MCTP2: variants seen among roughly 807,000 people sequenced by gnomAD.
MCTP2 encodes multiple C2 and transmembrane domain containing 2.
MCTP2 carries 132 observed loss-of-function variants against 111.6 expected under a neutral mutation model. That is an observed-to-expected ratio of 1.18 (90% CI 1.03 to 1.37). The LOEUF (loss-of-function observed/expected upper bound fraction) is 1.37. Ranked by LOEUF, MCTP2 falls within the 40% of genes most tolerant of loss-of-function variation. The pLI, the probability that MCTP2 is intolerant of heterozygous loss-of-function variation, is 0.00. For missense variants in MCTP2, 1,183 were observed against 1,067.9 expected (o/e 1.11, Z -1.50); for synonymous variants, 395 against 387.7 (o/e 1.02, Z -0.22).
At chr15:94,394,794 A>G (rs1359345317) in intron 14 of MCTP2, among the ~76,000 whole-genome samples, 2 of 152,188 alleles carry the variant, frequency 1.3e-5, no homozygotes, top group African/African-American at 2.4e-5. Flanking sequence ...TTATATTAAC[A>G]TTGTGTTTTT....
intron 1 of MCTP2, among the ~76,000 whole-genome samples, chr15:94,268,105 A>G (rs2073676459): frequency 6.6e-6 from 1 of 150,610 alleles, no homozygotes; most frequent in Non-Finnish European, 1.5e-5. Context: ...TGACCTTGTG[A>G]TGAACCCGCC....
chr15:94,368,997 A>G (rs2079346011), intron 11 of MCTP2, among the ~76,000 whole-genome samples: 1 of 152,228 alleles, frequency 6.6e-6, no homozygotes, highest in Non-Finnish European at 1.5e-5. Flanking sequence ...GCTGTTTCAA[A>G]GCACAAGTTA....
chr15:94,344,592 T>G (rs1181495493), intron 7 of MCTP2, among the ~76,000 whole-genome samples: 3 of 152,190 alleles, frequency 2.0e-5, no homozygotes, highest in East Asian at 1.9e-4. Context: ...ATTTTTTTCC[T>G]TTTCCTTAGA....
chr15:94,318,272 A>ATTTTT (rs199556945), intron 4 of MCTP2, among the ~76,000 whole-genome samples: 4 of 143,130 alleles, frequency 2.8e-5, no homozygotes, highest in Admixed American at 7.0e-5. Context: ...CAAAAAAAAA[A>ATTTTT]TTTTTTTTTT....
chr15:94,476,625 T>C (rs2074377171), intron 21 of MCTP2, 71 bp from the exon 22 acceptor site: 2 of 772,026 alleles, frequency 2.6e-6, no homozygotes, highest in Non-Finnish European at 4.5e-6. Context: ...GATAGATAGA[T>C]AGATAGATAG....
chr15:94,247,621 G>T (rs1161695650), intron 1 of MCTP2, among the ~76,000 whole-genome samples: 1 of 151,934 alleles, frequency 6.6e-6, no homozygotes, highest in African/African-American at 2.4e-5. Context: ...AGATAAAACG[G>T]GCGCATCCTC....
intron 1 of MCTP2, among the ~76,000 whole-genome samples, chr15:94,251,084 T>C (rs938902953): frequency 2.0e-5 from 3 of 152,198 alleles, no homozygotes; most frequent in Admixed American, 6.5e-5. Flanking sequence ...CACATAAACA[T>C]TTGGGCTGAG....
chr15:94,232,919 A>G (rs533609552), intron 1 of MCTP2, among the ~76,000 whole-genome samples: 1 of 152,328 alleles, frequency 6.6e-6, no homozygotes, highest in East Asian at 1.9e-4. Flanking sequence ...TGTCTTGTCT[A>G]TGAAATCTAC....
chr15:94,454,746 T>G (rs1334765738), intron 19 of MCTP2, among the ~76,000 whole-genome samples: 1 of 152,194 alleles, frequency 6.6e-6, no homozygotes, highest in Non-Finnish European at 1.5e-5. Flanking sequence ...AACACTTTAT[T>G]TTTCTACGAA....
In MCTP2 at chr15:94,463,234, G is replaced by C. The variant is rs528621402; in HGVS notation, c.2360+4988G>C. On this transcript the variant is annotated intron_variant, in intron 20 of 22. Transcript: ENST00000357742. The stretch of plus-strand genomic sequence containing the variant: ...CTTAAGTTTTCTAATATATGAGCTT[G>C]TTATATTCCAGTGTAATATCTCTTT... Among the ~76,000 whole-genome samples the C allele has an allele frequency of 3.9e-5, 6 of 152,320 alleles. No homozygotes were observed. The East Asian group carries it at 7.7e-4, about 20-fold the overall frequency.
At chr15:94,273,271 G>A (rs2074009952) in intron 1 of MCTP2, among the ~76,000 whole-genome samples, 1 of 152,166 alleles carries the variant, frequency 6.6e-6, no homozygotes, top group Admixed American at 6.5e-5. Context: ...CCCAGCAACT[G>A]CAGAATTAAC....
Position 94,247,806 on chromosome 15 carries a change from G to T in MCTP2, c.-66+16142G>T, listed in dbSNP as rs570242825. The stretch of plus-strand genomic sequence containing the variant: ...CTCTTTAGGTTGATGAACTCCACTA[G>T]TCTCTAGGCAGGCTTGGATTTCTAG... On this transcript the variant is annotated intron_variant, in intron 1 of 22. Coordinates refer to ENST00000357742, the MANE Select transcript of MCTP2 (RefSeq NM_001385001.1). Among the ~76,000 whole-genome samples the T allele has an allele frequency of 2.0e-5, 3 of 152,288 alleles. No individual in the cohort carries two copies. In the East Asian group the frequency reaches 5.8e-4, roughly 29 times the overall value.
intron 12 of MCTP2, among the ~76,000 whole-genome samples, chr15:94,381,039 CT>C (rs2080107136): frequency 1.3e-5 from 2 of 152,178 alleles, no homozygotes; most frequent in African/African-American, 2.4e-5. Context: ...CAGAGGAGGT[CT>C]TCTAGATGTT....
At chr15:94,300,332 A>G (rs938738387) in intron 2 of MCTP2, among the ~76,000 whole-genome samples, 4 of 151,878 alleles carry the variant, frequency 2.6e-5, no homozygotes, top group Non-Finnish European at 5.9e-5. Context: ...ACACGGTGAA[A>G]CCCCATCTCT....
rs886500103 is a variant in MCTP2 at position 94,358,503 on chromosome 15, C to A, written c.1192C>A (p.Pro398Thr). The change falls in exon 10 of 23, where the codon CCG becomes ACG. Residue 398 changes from proline (P) to threonine (T), a missense_variant. Transcript: ENST00000357742. ...CTAGACACTGTGTAAGAGTGCAAAT[C>A]CGCAGTGGCAGGAACAGTTTGACTT... Reference protein sequence around the residue: ...KSKTLCKSANPQWQEQFDFHY... With the variant: ...KSKTLCKSANTQWQEQFDFHY... The A allele has an allele frequency of 2.5e-6, 4 of 1,613,470 alleles. No homozygotes were observed. The Admixed American group carries it at 6.7e-5, about 27-fold the overall frequency.
intron 1 of MCTP2, among the ~76,000 whole-genome samples, chr15:94,276,828 G>T (rs1214425599): frequency 7.9e-6 from 1 of 126,570 alleles, no homozygotes; most frequent in African/African-American, 3.3e-5. Flanking sequence ...CTTAAGAGCT[G>T]TTAGTAAACT....
chr15:94,329,980 GA>G (rs763846352), intron 4 of MCTP2, among the ~76,000 whole-genome samples: 1 of 152,014 alleles, frequency 6.6e-6, no homozygotes, highest in Admixed American at 6.6e-5. Context: ...CCTTCACTTG[GA>G]AAAAAGTCTT....
At chr15:94,343,527 T>C (rs1011338859) in intron 7 of MCTP2, 2 of 152,194 alleles carry the variant, frequency 1.3e-5, no homozygotes, top group African/African-American at 2.4e-5. Context: ...GAATTTACTC[T>C]TGTGTCCAGG....
intron 10 of MCTP2, among the ~76,000 whole-genome samples, chr15:94,363,470 T>A (rs1487219487): frequency 6.6e-6 from 1 of 151,916 alleles, no homozygotes; most frequent in Non-Finnish European, 1.5e-5. Flanking sequence ...GAAGAAGAGC[T>A]TTCCAGGAAG....
Sources: allele counts gnomAD v4.1 joint callset (sites outside exome capture counted in the v4.1 genomes callset), GRCh38; gene constraint gnomAD v4.1.1; transcripts MANE v1.5; gene names NCBI Gene and HGNC (gene_info 2026-07-23, HGNC 2026-07-21).